CAMK1D: variants seen among roughly 807,000 people sequenced by gnomAD.
CAMK1D encodes the protein calcium/calmodulin dependent protein kinase ID.
Under a neutral mutation model 47.7 loss-of-function variants are expected in CAMK1D, and 9 were observed. The observed-to-expected ratio is 0.19, with a 90% CI of 0.11 to 0.33. The LOEUF is 0.33. CAMK1D is among the 10% of genes least tolerant of loss of function. CAMK1D has a pLI of 1.00. For synonymous variants in CAMK1D, 184 were observed against 184.9 expected (o/e 0.99, Z 0.04); for missense variants, 291 against 488.7 (o/e 0.60, Z 3.81).
chr10:12,691,403 AAATATATATATATATATATTTTTTT>A (rs1832913117), intron 3 of CAMK1D, among the ~76,000 whole-genome samples: 1 of 7,098 alleles, frequency 1.4e-4, no homozygotes. Flanking sequence ...ATATATATAT[AAATATATATATATATATATTTTTTT>A]TTTTTTTTTT....
intron 6 of CAMK1D, among the ~76,000 whole-genome samples, chr10:12,795,796 A>G (rs1838172914): frequency 6.6e-6 from 1 of 152,196 alleles, no homozygotes; most frequent in Admixed American, 6.5e-5. Context: ...AAGGACACTC[A>G]TTTTTAAAAA....
chr10:12,771,130 A>G (rs1341472095), intron 5 of CAMK1D, among the ~76,000 whole-genome samples: 1 of 152,064 alleles, frequency 6.6e-6, no homozygotes, highest in African/African-American at 2.4e-5. Flanking sequence ...GGGTTTTGTC[A>G]TGTTGGCCAG....
At chr10:12,449,218 G>A (rs1311074698) in intron 1 of CAMK1D, among the ~76,000 whole-genome samples, 1 of 152,102 alleles carries the variant, frequency 6.6e-6, no homozygotes, top group Non-Finnish European at 1.5e-5. Flanking sequence ...TACTCTCATT[G>A]AAGTGTGGCT....
chr10:12,681,983 G>A (rs1832459501), intron 3 of CAMK1D, among the ~76,000 whole-genome samples: 1 of 152,204 alleles, frequency 6.6e-6, no homozygotes. Flanking sequence ...ACTTTGGGAG[G>A]CCCAGGTGGG....
chr10:12,544,294 ATGTCT>A (rs1251563681), intron 1 of CAMK1D, among the ~76,000 whole-genome samples: 3 of 152,230 alleles, frequency 2.0e-5, no homozygotes, highest in Admixed American at 6.5e-5. Flanking sequence ...ATTCAAATAA[ATGTCT>A]TGTCACAACT....
intron 1 of CAMK1D, among the ~76,000 whole-genome samples, chr10:12,402,421 A>G (rs886526914): frequency 2.6e-5 from 4 of 152,096 alleles, no homozygotes; most frequent in African/African-American, 4.8e-5. Context: ...TTGTAGAGAC[A>G]GGGTTTTGCC....
chr10:12,792,205 C>G (rs1050980259), intron 6 of CAMK1D, among the ~76,000 whole-genome samples: 1 of 152,140 alleles, frequency 6.6e-6, no homozygotes, highest in African/African-American at 2.4e-5. Context: ...TTTCTCATTT[C>G]TTCTGAGACG....
At chr10:12,495,538 CACAAA>C (rs1834512772) in intron 1 of CAMK1D, among the ~76,000 whole-genome samples, 1 of 152,142 alleles carries the variant, frequency 6.6e-6, no homozygotes. Context: ...TCATAAATGG[CACAAA>C]ACATTTAGCT....
At chr10:12,694,209 T>TATAATATAAAATATATATTATAC (rs1833117715) in intron 3 of CAMK1D, among the ~76,000 whole-genome samples, 1 of 37,664 alleles carries the variant, frequency 2.7e-5, no homozygotes, top group African/African-American at 1.1e-4. Flanking sequence ...ATATATTATG[T>TATAATATAAAATATATATTATAC]ATAATATAAA....
intron 5 of CAMK1D, among the ~76,000 whole-genome samples, chr10:12,774,766 T>G (rs1412647757): frequency 6.6e-6 from 1 of 152,324 alleles, no homozygotes; most frequent in African/African-American, 2.4e-5. Context: ...TCATGGGAGC[T>G]TGAACCCCGT....
At chr10:12,490,297 A>T (rs1834343378) in intron 1 of CAMK1D, among the ~76,000 whole-genome samples, 1 of 152,144 alleles carries the variant, frequency 6.6e-6, no homozygotes, top group Admixed American at 6.5e-5. Context: ...AACTGTCATT[A>T]AAGCTGGCTG....
At chr10:12,529,773 C>T (rs545501041) in intron 1 of CAMK1D, among the ~76,000 whole-genome samples, 2 of 152,232 alleles carry the variant, frequency 1.3e-5, no homozygotes, top group Admixed American at 6.5e-5. Flanking sequence ...TGGGAAAAGT[C>T]GTGAAGAAAG....
chr10:12,427,927 C>G (rs574465209), intron 1 of CAMK1D, among the ~76,000 whole-genome samples: 1 of 151,424 alleles, frequency 6.6e-6, no homozygotes, highest in East Asian at 1.9e-4. Context: ...AGGATGGTCT[C>G]GATCTCCTGA....
chr10:12,688,248 C>A (rs138761510), intron 3 of CAMK1D, among the ~76,000 whole-genome samples: 2 of 152,168 alleles, frequency 1.3e-5, no homozygotes, highest in Non-Finnish European at 2.9e-5. Context: ...TGGGTGAACA[C>A]GTGGCTTATG....
chr10:12,557,127 T>C (rs1374072959), intron 2 of CAMK1D, among the ~76,000 whole-genome samples: 1 of 151,820 alleles, frequency 6.6e-6, no homozygotes, highest in Non-Finnish European at 1.5e-5. Flanking sequence ...AGGTCAAGAG[T>C]CTGGACATGC....
chr10:12,801,360 ATCTATCTATCTATCT>A (rs1838461441), intron 6 of CAMK1D, among the ~76,000 whole-genome samples: 1 of 134,226 alleles, frequency 7.5e-6, no homozygotes, highest in African/African-American at 3.3e-5. Flanking sequence ...TATCTTATCT[ATCTATCTATCTATCT>A]ATCTATCTAT....
intron 2 of CAMK1D, among the ~76,000 whole-genome samples, chr10:12,605,117 G>C (rs1014961347): frequency 1.3e-5 from 2 of 152,050 alleles, no homozygotes; most frequent in Non-Finnish European, 2.9e-5. Context: ...TCGATCTCCT[G>C]ACCTTGTATC....
chr10:12,615,970 G>A (rs1319282729), intron 2 of CAMK1D, among the ~76,000 whole-genome samples: 1 of 151,214 alleles, frequency 6.6e-6, no homozygotes, highest in Admixed American at 6.6e-5. Flanking sequence ...GTGTGTATGT[G>A]TGCATGTGTG....
At chr10:12,572,415 T>C (rs938359476) in intron 2 of CAMK1D, among the ~76,000 whole-genome samples, 1 of 152,176 alleles carries the variant, frequency 6.6e-6, no homozygotes, top group Non-Finnish European at 1.5e-5. Flanking sequence ...GGTTTGTATT[T>C]CATTTGCTAG....
Sources: allele counts gnomAD v4.1 joint callset (sites outside exome capture counted in the v4.1 genomes callset), GRCh38; gene constraint gnomAD v4.1.1; transcripts MANE v1.5; gene names NCBI Gene and HGNC (gene_info 2026-07-23, HGNC 2026-07-21).